LARGE1: variants seen among roughly 807,000 people sequenced by gnomAD.
The protein encoded by LARGE1 is LARGE xylosyl- and glucuronyltransferase 1.
LARGE1 carries 43 observed loss-of-function variants against 87.6 expected under a neutral mutation model. The ratio of observed to expected loss-of-function variants is 0.49; its 90% CI spans 0.38 to 0.63. The LOEUF (loss-of-function observed/expected upper bound fraction) is 0.63. LARGE1 is among the 30% of genes least tolerant of loss of function. The pLI is 0.00. For synonymous variants in LARGE1, 434 were observed against 394.6 expected, an observed-to-expected ratio of 1.10 and a Z score of -1.18; for missense variants, 802 against 1,000.2, an observed-to-expected ratio of 0.80 and a Z score of 2.67.
chr22:33,481,255 A>AT (rs528329919), intron 6 of LARGE1, among the ~76,000 whole-genome samples: 33,516 of 143,668 alleles, frequency 0.23, 3,851 homozygotes, highest in East Asian at 0.29. Flanking sequence ...GTACACACAC[A>AT]TTTTTTTTTT....
intron 1 of LARGE1, among the ~76,000 whole-genome samples, chr22:33,792,978 C>T (rs1337243123): frequency 6.6e-6 from 1 of 152,148 alleles, no homozygotes; most frequent in African/African-American, 2.4e-5. Context: ...CTTTAATATC[C>T]ACAAACAGCT....
chr22:33,272,233 G>A (rs2145784335), downstream of LARGE1, among the ~76,000 whole-genome samples: 1 of 152,338 alleles, frequency 6.6e-6, no homozygotes, highest in African/African-American at 2.4e-5. Flanking sequence ...ACCTGTATCG[G>A]TATGTGTACA....
chr22:33,468,576 C>G (rs1042380122), intron 6 of LARGE1, among the ~76,000 whole-genome samples: 1 of 152,152 alleles, frequency 6.6e-6, no homozygotes, highest in Non-Finnish European at 1.5e-5. Context: ...AAGGAGGACA[C>G]AAAATCAAAA....
intron 2 of LARGE1, among the ~76,000 whole-genome samples, chr22:33,705,825 CGAT>C (rs1386261968): frequency 1.3e-5 from 2 of 152,162 alleles, no homozygotes; most frequent in African/African-American, 2.4e-5. Flanking sequence ...ATAATGTTTT[CGAT>C]GATGATAATA....
intron 6 of LARGE1, among the ~76,000 whole-genome samples, chr22:33,545,645 G>A (rs1467848636): frequency 6.6e-6 from 1 of 152,154 alleles, no homozygotes; most frequent in Non-Finnish European, 1.5e-5. Context: ...TGCCATGTTG[G>A]CCAGGCTGGT....
At chr22:33,488,032 T>C (rs148900107) in intron 6 of LARGE1, among the ~76,000 whole-genome samples, 3 of 152,334 alleles carry the variant, frequency 2.0e-5, no homozygotes, top group African/African-American at 7.2e-5. Context: ...AATTTTGCCA[T>C]TTGTTTCCCA....
chr22:33,901,555 T>A (rs1007147500), intron 1 of LARGE1, among the ~76,000 whole-genome samples: 2 of 152,110 alleles, frequency 1.3e-5, no homozygotes, highest in Non-Finnish European at 2.9e-5. Context: ...CCTGCAGTCC[T>A]AGCTACTGGA....
Position 33,695,787 on chromosome 22 carries a change from A to G in LARGE1, c.107-45119T>C, listed in dbSNP as rs137887252. Among the ~76,000 whole-genome samples the G allele has an allele frequency of 6.4e-4, 97 of 152,250 alleles. 1 individual carries two copies. The highest frequency in any genetic ancestry group is 2.1e-3 in the African/African-American group (88 of 41,548). On this transcript the variant is annotated intron_variant, in intron 2 of 14. Coordinates refer to ENST00000397394, the MANE Select transcript of LARGE1 (RefSeq NM_133642.5). ...ATGAAATGCACAAATCACTGGGAAA[A>G]TTTTGACAATGCATACTCCTATGTA... is the stretch of plus-strand genomic sequence containing the variant.
chr22:33,439,277 G>A (rs1428172240), intron 6 of LARGE1, among the ~76,000 whole-genome samples: 1 of 151,568 alleles, frequency 6.6e-6, no homozygotes, highest in Non-Finnish European at 1.5e-5. Context: ...TCAACTAAAG[G>A]CACTTCTCTT....
chr22:33,484,769 C>G (rs555664019), intron 6 of LARGE1, among the ~76,000 whole-genome samples: 20 of 152,198 alleles, frequency 1.3e-4, no homozygotes, highest in Non-Finnish European at 2.2e-4. Flanking sequence ...TCCTGTTCAG[C>G]TTCTCTTCCT....
intron 1 of LARGE1, among the ~76,000 whole-genome samples, chr22:33,828,050 A>T (rs2062850837): frequency 6.6e-6 from 1 of 152,226 alleles, no homozygotes; most frequent in Non-Finnish European, 1.5e-5. Flanking sequence ...TGGGCAGATG[A>T]GAAGAAATGA....
intron 6 of LARGE1, among the ~76,000 whole-genome samples, chr22:33,473,871 T>G (rs566657393): frequency 1.3e-5 from 2 of 152,364 alleles, no homozygotes; most frequent in South Asian, 4.1e-4. Flanking sequence ...AAATTAATTC[T>G]GTTCTATGAG....
intron 1 of LARGE1, among the ~76,000 whole-genome samples, chr22:33,805,564 T>C (rs1404208085): frequency 6.6e-6 from 1 of 151,926 alleles, no homozygotes; most frequent in African/African-American, 2.4e-5. Flanking sequence ...TGAAACCCTA[T>C]CTCTGCAAAA....
chr22:33,150,200 C>T, the LARGE1 span, among the ~76,000 whole-genome samples: 2 of 152,326 alleles, frequency 1.3e-5, no homozygotes, highest in South Asian at 4.1e-4. Flanking sequence ...TCTTGTTCAT[C>T]GTGATTGCTT....
chr22:33,358,933 G>A (rs1188773640), intron 9 of LARGE1, among the ~76,000 whole-genome samples: 2 of 151,614 alleles, frequency 1.3e-5, no homozygotes, highest in Non-Finnish European at 2.9e-5. Flanking sequence ...GGGAGGTGGA[G>A]CTTGAAGTGA....
At chr22:33,240,631 T>C (rs1926467196) in intron 11 of LARGE1, among the ~76,000 whole-genome samples, 1 of 152,238 alleles carries the variant, frequency 6.6e-6, no homozygotes, top group African/African-American at 2.4e-5. Flanking sequence ...GTTTTCAATA[T>C]TGCTTTGCTT....
intron 12 of LARGE1, among the ~76,000 whole-genome samples, chr22:33,297,735 T>C (rs1933515315): frequency 1.3e-5 from 2 of 151,584 alleles, no homozygotes; most frequent in Admixed American, 1.3e-4. Context: ...ATCCCAGCAC[T>C]TTGGGAGGCC....
intron 6 of LARGE1, among the ~76,000 whole-genome samples, chr22:33,504,947 G>A (rs974650738): frequency 9.9e-5 from 15 of 152,208 alleles, no homozygotes; most frequent in African/African-American, 2.4e-5. Flanking sequence ...TCCTCATTTG[G>A]ATACAGCAAC....
chr22:33,446,098 CCAAT>C (rs1555919362), intron 6 of LARGE1, among the ~76,000 whole-genome samples: 1 of 152,208 alleles, frequency 6.6e-6, no homozygotes, highest in Non-Finnish European at 1.5e-5. Flanking sequence ...GAATTGATCA[CCAAT>C]CATTACTGAC....
Sources: gnomAD v4.1 joint callset for allele counts (sites outside exome capture counted in the v4.1 genomes callset) on GRCh38, gnomAD v4.1.1 for gene constraint, MANE v1.5 for transcripts, NCBI Gene and HGNC (gene_info 2026-07-23, HGNC 2026-07-21) for gene names.